LEPROTL1: variants seen among roughly 807,000 people sequenced by gnomAD.
The protein encoded by LEPROTL1 is leptin receptor overlapping transcript-like 1.
Under a neutral mutation model 15.4 loss-of-function variants are expected in LEPROTL1, and 6 were observed. That is an observed-to-expected ratio of 0.39 (90% CI 0.21 to 0.77). The LOEUF is 0.77. Ranked by LOEUF, LEPROTL1 falls within the 30% of genes least tolerant of loss-of-function variation. The pLI is 0.41. For missense variants in LEPROTL1, 128 were observed against 158.1 expected, an observed-to-expected ratio of 0.81 and a Z score of 1.02; for synonymous variants, 56 against 52.6, an observed-to-expected ratio of 1.06 and a Z score of -0.28.
chr8:30,107,888 T>A lies in LEPROTL1; in HGVS notation c.*2026T>A. 2 of 985,200 alleles carry A rather than the reference T, an allele frequency of 2.0e-6. No individual in the cohort carries two copies. The highest frequency in any genetic ancestry group is 2.4e-6 in the Non-Finnish European group (2 of 829,714). 61.0% of individuals were successfully genotyped at this position (985,200 alleles called of 1,614,324 possible). ...CTGCGTATTATTTCTATATACTAAC[T>A]GCATTGGCAGCATTGTGTCTTTGAC... On this transcript the variant is annotated 3_prime_UTR_variant, in exon 4 of 4. Transcript: ENST00000321250.
intron 3 of LEPROTL1, chr8:30,117,772 C>A: frequency 3.6e-6 from 3 of 836,562 alleles, no homozygotes; most frequent in Admixed American, 1.8e-5. Flanking sequence ...GACATTCATG[C>A]GCACCATTGT....
Position 30,107,284 on chromosome 8 carries a change from G to C in LEPROTL1, c.*1422G>C, listed in dbSNP as rs1441819541. On this transcript the variant is annotated 3_prime_UTR_variant, in exon 4 of 4. Transcript: ENST00000321250. ...TAACCAGGCATGATCAATTTATAGTGGTCGTTTACATCTAATAATTATCAG... is the reference window on the plus strand; with the variant it reads ...TAACCAGGCATGATCAATTTATAGTCGTCGTTTACATCTAATAATTATCAG... 3 of 985,394 alleles carry C rather than the reference G, an allele frequency of 3.0e-6. No individual in the cohort carries two copies. In the East Asian group the frequency reaches 3.4e-4, roughly 112 times the overall value. 61.0% of individuals were successfully genotyped at this position (985,394 alleles called of 1,614,324 possible). A position where few individuals can be genotyped will look rare whatever the true frequency, so the allele number is the denominator to read the frequency against.
At chr8:30,098,772 T>A (rs1379261407) in intron 1 of LEPROTL1, among the ~76,000 whole-genome samples, 1 of 152,188 alleles carries the variant, frequency 6.6e-6, no homozygotes, top group Non-Finnish European at 1.5e-5. Flanking sequence ...CCACAAATAT[T>A]TGTTGAGTGT....
rs189402187 is a variant in LEPROTL1, at chr8:30,125,736, T to G, written c.280-6639T>G. 2.3e-3 allele frequency among the ~76,000 whole-genome samples: 354 copies of G among 152,300 alleles called. 2 individuals are homozygous for G. Among genetic ancestry groups the G allele is most frequent in the African/African-American group, 8.3e-3 (346 of 41,564 alleles). The stretch of plus-strand genomic sequence containing the variant: ...CTTGGGTCCCACAGTTGGCCTGTGC[T>G]AGAACTGGGACAGGGCCAGAACTCC... On this transcript the variant is annotated intron_variant, in intron 3 of 4. Coordinates refer to the LEPROTL1 transcript ENST00000442880.
chr8:30,104,570 GAA>G, intron 3 of LEPROTL1, 84 bp downstream of exon 3: 1 of 816,912 alleles, frequency 1.2e-6, no homozygotes, highest in Non-Finnish European at 1.8e-6. Flanking sequence ...TTAATGACAT[GAA>G]AAGAGGTGAA....
At position 30,104,465 on chromosome 8, in the gene LEPROTL1, T is replaced by C. The variant is rs761176196; in HGVS notation, c.258T>C (p.Ile86=). ...GIVVSAFGLP[I]VFARAHLIEW... ...TCGTGTCAGCTTTTGGACTCCCTAT[T>C]GTATTTGCCAGAGCACATCTGGTAA... The change falls in exon 3 of 4, where the codon ATT becomes ATC. Residue 86 remains isoleucine (I), a synonymous_variant. Transcript: ENST00000321250. The C allele has an allele frequency of 2.5e-6, 4 of 1,607,658 alleles. No homozygotes were observed. In the South Asian group the frequency reaches 4.5e-5, roughly 18 times the overall value.
At chr8:30,100,046 C>T (rs1305399563) in intron 1 of LEPROTL1, among the ~76,000 whole-genome samples, 2 of 152,172 alleles carry the variant, frequency 1.3e-5, no homozygotes, top group Non-Finnish European at 2.9e-5. Flanking sequence ...TGAAGTGCCT[C>T]GTTTGCTGTA....
At chr8:30,126,226 C>G (rs138313996) in intron 3 of LEPROTL1, among the ~76,000 whole-genome samples, 1 of 152,112 alleles carries the variant, frequency 6.6e-6, no homozygotes, top group African/African-American at 2.4e-5. Flanking sequence ...TAGATTATAC[C>G]GTATAGCCTA....
At chr8:30,114,394 A>G (rs1328396804) in intron 3 of LEPROTL1, among the ~76,000 whole-genome samples, 2 of 151,980 alleles carry the variant, frequency 1.3e-5, no homozygotes, top group Non-Finnish European at 2.9e-5. Flanking sequence ...TGGCTTAAGC[A>G]ATTCACCTGC....
intron 3 of LEPROTL1, 144 bp from the exon 4 acceptor site, chr8:30,105,602 G>A (rs11988030): frequency 7.5e-6 from 2 of 266,308 alleles, no homozygotes; most frequent in Non-Finnish European, 1.4e-5. Flanking sequence ...ATATTTATAA[G>A]TATGTGTTCA....
chr8:30,107,358 T>C lies in LEPROTL1; in HGVS notation c.*1496T>C, dbSNP rs1413551067. The C allele has an allele frequency of 1.0e-6, 1 of 985,636 alleles. No individual in the cohort carries two copies. Among genetic ancestry groups the C allele is most frequent in the Non-Finnish European group, 1.2e-6 (1 of 829,814 alleles). The allele number at this position is 985,636 out of a possible 1,614,324, so 61.1% of individuals were successfully genotyped here. ...AAAAACATTCAAGTTGGTCTGACAG[T>C]ATTTTGTTAAGGATATTTGTTTGTA... On this transcript the variant is annotated 3_prime_UTR_variant, in exon 4 of 4. Coordinates refer to ENST00000321250, the MANE Select transcript of LEPROTL1 (RefSeq NM_015344.3).
At chr8:30,129,750 CACACACAA>C (rs1190863912) in intron 3 of LEPROTL1, among the ~76,000 whole-genome samples, 30 of 151,010 alleles carry the variant, frequency 2.0e-4, no homozygotes, top group Admixed American at 1.3e-3. Flanking sequence ...CACACACACA[CACACACAA>C]AGAACTACCT....
chr8:30,109,191 CACA>C (rs1411188510), downstream of LEPROTL1, among the ~76,000 whole-genome samples: 4 of 152,208 alleles, frequency 2.6e-5, no homozygotes, highest in African/African-American at 9.7e-5. Context: ...TAACAAGCAA[CACA>C]ACGTTATTGT....
intron 3 of LEPROTL1, among the ~76,000 whole-genome samples, chr8:30,131,621 G>A (rs1168348674): frequency 6.6e-6 from 1 of 152,082 alleles, no homozygotes; most frequent in Non-Finnish European, 1.5e-5. Flanking sequence ...ATTTTGGGGT[G>A]TCTATATATA....
intron 3 of LEPROTL1, among the ~76,000 whole-genome samples, chr8:30,128,850 C>T (rs1213274023): frequency 6.6e-6 from 1 of 150,782 alleles, no homozygotes; most frequent in African/African-American, 2.4e-5. Context: ...GCACACACCC[C>T]TAGACAGCTC....
chr8:30,123,913 A>G (rs544702381), intron 3 of LEPROTL1, among the ~76,000 whole-genome samples: 2 of 152,260 alleles, frequency 1.3e-5, no homozygotes, highest in East Asian at 3.9e-4. Context: ...CTCTATCCAC[A>G]GAGACCTGGG....
At chr8:30,097,207 A>G (rs1349883274) in intron 1 of LEPROTL1, among the ~76,000 whole-genome samples, 1 of 152,228 alleles carries the variant, frequency 6.6e-6, no homozygotes, top group Non-Finnish European at 1.5e-5. Flanking sequence ...TTATATACAA[A>G]TGATGAAGTG....
chr8:30,124,939 C>T (rs188828609), intron 3 of LEPROTL1, among the ~76,000 whole-genome samples: 216 of 152,252 alleles, frequency 1.4e-3, no homozygotes, highest in African/African-American at 5.1e-3. Flanking sequence ...GGAAAGCATT[C>T]CTTTAGTAAA....
At position 30,105,857 on chromosome 8, in the gene LEPROTL1, T is replaced by C. The variant is rs1802556432; in HGVS notation, c.391T>C (p.Trp131Arg). Reference sequence around the variant, plus strand: ...CAATGACGACTTCAGCTGGCAGCAGTGGTGAAAAGAAATTACTGAACTATT... The same window carrying C: ...CAATGACGACTTCAGCTGGCAGCAGCGGTGAAAAGAAATTACTGAACTATT... ...GSNDDFSWQQ[W>R] The change falls in exon 4 of 4, where the codon TGG (tryptophan) becomes CGG (arginine). Residue 131 changes from tryptophan (W) to arginine (R), a missense_variant. By Grantham distance (101) the Trp-to-Arg change is moderately radical. Coordinates refer to ENST00000321250, the MANE Select transcript of LEPROTL1 (RefSeq NM_015344.3). 3.2e-6 allele frequency: 5 copies of C among 1,539,998 alleles called. No individual in the cohort carries two copies. The South Asian group carries it at 6.1e-5, about 19-fold the overall frequency.
Sources: allele counts gnomAD v4.1 joint callset (sites outside exome capture counted in the v4.1 genomes callset), GRCh38; gene constraint gnomAD v4.1.1; transcripts MANE v1.5; gene names NCBI Gene and HGNC (gene_info 2026-07-23, HGNC 2026-07-21).